The following TMEFF2 variants were observed in gnomAD, a reference collection of about 807,000 sequenced individuals.
TMEFF2 encodes tomoregulin-2.
TMEFF2 carries 28 observed loss-of-function variants against 53.8 expected under a neutral mutation model. The observed-to-expected ratio is 0.52, with a 90% CI of 0.39 to 0.71. The LOEUF (loss-of-function observed/expected upper bound fraction) is 0.71, where lower values mean the gene tolerates loss of function less well. Ranked by LOEUF, TMEFF2 falls within the 30% of genes least tolerant of loss-of-function variation. The probability of loss-of-function intolerance (pLI) is 0.00; values close to 1 mark genes in which losing one functional copy is unlikely to be tolerated. For synonymous variants in TMEFF2, 162 were observed against 166.3 expected, an observed-to-expected ratio of 0.97 and a Z score of 0.20; for missense variants, 353 against 455.2, an observed-to-expected ratio of 0.78 and a Z score of 2.04.
At chr2:192,164,726 CAAA>C (rs34648660) in intron 4 of TMEFF2, among the ~76,000 whole-genome samples, 42,758 of 133,638 alleles carry the variant, frequency 0.32, 6,209 homozygotes, top group Admixed American at 0.36. Flanking sequence ...GACTTCGTCT[CAAA>C]AAAAAAAAAA....
At chr2:191,964,657 C>T (rs557370671) in intron 7 of TMEFF2, among the ~76,000 whole-genome samples, 1 of 151,978 alleles carries the variant, frequency 6.6e-6, no homozygotes, top group African/African-American at 2.4e-5. Context: ...CTTGGTAGAC[C>T]TCGTTTCCTT....
intron 4 of TMEFF2, among the ~76,000 whole-genome samples, chr2:192,070,539 A>G (rs986861478): frequency 3.3e-5 from 5 of 151,892 alleles, no homozygotes; most frequent in African/African-American, 1.2e-4. Context: ...ATTGTATTCA[A>G]AGTCTTTCAT....
At chr2:192,023,525 T>C (rs770748249) in intron 5 of TMEFF2, among the ~76,000 whole-genome samples, 17 of 152,168 alleles carry the variant, frequency 1.1e-4, no homozygotes, top group African/African-American at 2.2e-4. Flanking sequence ...CAGTTTTTGA[T>C]TGGTTTGTCC....
chr2:191,957,599 A>G (rs1384344538), intron 7 of TMEFF2, among the ~76,000 whole-genome samples: 1 of 152,234 alleles, frequency 6.6e-6, no homozygotes, highest in Non-Finnish European at 1.5e-5. Context: ...CAAAATATCT[A>G]TACATCTTTA....
chr2:192,176,586 T>G (rs2106029968), intron 4 of TMEFF2, among the ~76,000 whole-genome samples: 1 of 151,426 alleles, frequency 6.6e-6, no homozygotes, highest in East Asian at 1.9e-4. Flanking sequence ...GTTAACTGTT[T>G]GAATTGTTTC....
chr2:192,042,352 T>G lies in TMEFF2; in HGVS notation c.536+15327A>C, dbSNP rs191961314. Among the ~76,000 whole-genome samples the G allele has an allele frequency of 2.8e-3, 431 of 152,282 alleles. 3 individuals carry two copies. The highest frequency in any genetic ancestry group is 9.9e-3 in the African/African-American group (413 of 41,548). ...GCTGGTAGGCTTGCTTCACGTGGTG[T>G]TGTCACACACTTTTAATTTATGAAA... On this transcript the variant is annotated intron_variant, in intron 5 of 9. Transcript: ENST00000272771.
At chr2:192,168,089 G>A (rs889890753) in intron 4 of TMEFF2, among the ~76,000 whole-genome samples, 3 of 151,978 alleles carry the variant, frequency 2.0e-5, no homozygotes, top group Non-Finnish European at 4.4e-5. Flanking sequence ...AATCCCCATG[G>A]CATCAGATGG....
intron 5 of TMEFF2, among the ~76,000 whole-genome samples, chr2:192,015,718 C>A (rs1686729314): frequency 6.6e-6 from 1 of 152,102 alleles, no homozygotes. Context: ...AGGCTCGTTT[C>A]TATGAGAAAA....
At chr2:192,104,361 G>A (rs1025592391) in intron 4 of TMEFF2, among the ~76,000 whole-genome samples, 1 of 151,992 alleles carries the variant, frequency 6.6e-6, no homozygotes, top group African/African-American at 2.4e-5. Context: ...TTTCCACTTA[G>A]GTTAGTTTTC....
chr2:192,066,245 A>G (rs1688167286), intron 4 of TMEFF2, among the ~76,000 whole-genome samples: 1 of 151,898 alleles, frequency 6.6e-6, no homozygotes, highest in African/African-American at 2.4e-5. Context: ...AATACTGCAT[A>G]TGTATCAGTG....
intron 3 of TMEFF2, among the ~76,000 whole-genome samples, chr2:192,183,617 G>T (rs1691241845): frequency 6.6e-6 from 1 of 151,994 alleles, no homozygotes; most frequent in African/African-American, 2.4e-5. Context: ...ATGTGATTTT[G>T]ATATCAAGCT....
chr2:191,972,096 G>T (rs1692659723), intron 7 of TMEFF2, among the ~76,000 whole-genome samples: 1 of 151,808 alleles, frequency 6.6e-6, no homozygotes, highest in African/African-American at 2.4e-5. Flanking sequence ...GGAGAGGTCA[G>T]TAAGATCCTT....
intron 2 of TMEFF2, among the ~76,000 whole-genome samples, chr2:192,189,370 C>G (rs913258550): frequency 1.3e-5 from 2 of 151,218 alleles, no homozygotes; most frequent in South Asian, 2.1e-4. Context: ...GTGGTGAAAC[C>G]GTGTGTCTAC....
At chr2:191,994,224 T>A (rs889786677) in intron 7 of TMEFF2, among the ~76,000 whole-genome samples, 1 of 151,996 alleles carries the variant, frequency 6.6e-6, no homozygotes, top group South Asian at 2.1e-4. Context: ...CAATTTCTAT[T>A]TAAACAATTT....
At chr2:192,102,341 G>A (rs1450478284) in intron 4 of TMEFF2, among the ~76,000 whole-genome samples, 1 of 151,964 alleles carries the variant, frequency 6.6e-6, no homozygotes, top group East Asian at 1.9e-4. Context: ...AAACCATCTC[G>A]GAGCATTTTC....
chr2:192,128,559 A>G (rs1388367447), intron 4 of TMEFF2, among the ~76,000 whole-genome samples: 3 of 152,240 alleles, frequency 2.0e-5, no homozygotes, highest in East Asian at 1.9e-4. Context: ...TTCTTATCGC[A>G]AGAAAAGAGT....
At chr2:192,047,899 G>A (rs1687662568) in intron 5 of TMEFF2, among the ~76,000 whole-genome samples, 1 of 152,154 alleles carries the variant, frequency 6.6e-6, no homozygotes, top group Admixed American at 6.5e-5. Context: ...CTATTTGGAA[G>A]TAAACCACAG....
intron 4 of TMEFF2, among the ~76,000 whole-genome samples, chr2:192,127,542 CTT>C (rs768280340): frequency 2.6e-5 from 4 of 152,158 alleles, no homozygotes; most frequent in South Asian, 2.1e-4. Context: ...GAGAAATCCT[CTT>C]TATTTTGGGG....
intron 4 of TMEFF2, among the ~76,000 whole-genome samples, chr2:192,174,635 G>A (rs141348784): frequency 6.6e-6 from 1 of 151,856 alleles, no homozygotes; most frequent in Non-Finnish European, 1.5e-5. Flanking sequence ...CTCAGGTGTG[G>A]CAGAGCAAAA....
Sources: allele counts gnomAD v4.1 joint callset (sites outside exome capture counted in the v4.1 genomes callset), GRCh38; gene constraint gnomAD v4.1.1; transcripts MANE v1.5; gene names NCBI Gene and HGNC (gene_info 2026-07-23, HGNC 2026-07-21).